The following CHID1 variants were observed in gnomAD, a reference collection of about 807,000 sequenced individuals.
The protein encoded by CHID1 is chitinase domain containing 1.
CHID1 carries 44 observed loss-of-function variants against 55.4 expected under a neutral mutation model. The observed-to-expected ratio is 0.79, with a 90% CI of 0.62 to 1.02. The LOEUF is 1.02. CHID1 is among the 50% of genes least tolerant of loss of function. CHID1 has a pLI of 0.00. For synonymous variants in CHID1, 216 were observed against 212.9 expected, an observed-to-expected ratio of 1.01 and a Z score of -0.13; for missense variants, 491 against 515.3, an observed-to-expected ratio of 0.95 and a Z score of 0.46.
chr11:896,911 C>G (rs1315281236), intron 7 of CHID1, among the ~76,000 whole-genome samples: 2 of 112,460 alleles, frequency 1.8e-5, no homozygotes, highest in African/African-American at 3.8e-5. Flanking sequence ...CCAGCCTCCA[C>G]CCCAGACACG....
chr11:890,594 C>T (rs1288473696), intron 8 of CHID1, among the ~76,000 whole-genome samples: 4 of 152,220 alleles, frequency 2.6e-5, no homozygotes, highest in Non-Finnish European at 5.9e-5. Context: ...GCTAACAATG[C>T]CCAGAAAACA....
intron 10 of CHID1, among the ~76,000 whole-genome samples, chr11:872,702 G>A (rs1447982457): frequency 1.3e-5 from 2 of 152,234 alleles, no homozygotes; most frequent in African/African-American, 4.8e-5. Context: ...CACCACTCAA[G>A]GTGTTGTTGG....
intron 10 of CHID1, among the ~76,000 whole-genome samples, chr11:877,882 G>A (rs1266947427): frequency 3.3e-5 from 5 of 150,254 alleles, no homozygotes; most frequent in Non-Finnish European, 5.9e-5. Flanking sequence ...GAAGGTGACT[G>A]GGTCATGAGG....
intron 8 of CHID1, among the ~76,000 whole-genome samples, chr11:892,317 G>C (rs1850902270): frequency 6.6e-6 from 1 of 152,222 alleles, no homozygotes; most frequent in South Asian, 2.1e-4. Context: ...ACATAAGGGA[G>C]AGGGAGGGGC....
At chr11:886,999 C>T (rs1423085474) in intron 8 of CHID1, among the ~76,000 whole-genome samples, 2 of 152,164 alleles carry the variant, frequency 1.3e-5, no homozygotes, top group African/African-American at 2.4e-5. Flanking sequence ...GTCTCCTGCC[C>T]GCTGTTCTCT....
At chr11:905,277 G>A (rs2134351604) in intron 1 of CHID1, among the ~76,000 whole-genome samples, 1 of 152,392 alleles carries the variant, frequency 6.6e-6, no homozygotes, top group East Asian at 1.9e-4. Flanking sequence ...GGCGGCTCAC[G>A]CCTGTAATCC....
rs951766624 is a variant in CHID1, at chr11:899,873, G to A, written c.546+131C>T. 9 of 647,912 alleles carry A rather than the reference G, an allele frequency of 1.4e-5. No homozygotes were observed. The African/African-American group carries it at 1.5e-4, about 10-fold the overall frequency. The allele number at this position is 647,912 out of a possible 1,614,324, so 40.1% of individuals were successfully genotyped here. A position where few individuals can be genotyped will look rare whatever the true frequency, so the allele number is the denominator to read the frequency against. ...TGATGCTGCCTTCCCTGGAAGATGG[G>A]GGCTGCACCAGAAGGTGCCCAGGGC... On this transcript the variant is annotated intron_variant, in intron 6 of 12. Coordinates refer to ENST00000323578, the MANE Select transcript of CHID1 (RefSeq NM_023947.4).
At chr11:881,122 A>C (rs894422356) in intron 10 of CHID1, among the ~76,000 whole-genome samples, 1 of 152,148 alleles carries the variant, frequency 6.6e-6, no homozygotes, top group African/African-American at 2.4e-5. Context: ...GAAGACGTAA[A>C]GGGGACCCCA....
chr11:911,268 C>T (rs1852671694), upstream of CHID1: 1 of 152,154 alleles, frequency 6.6e-6, no homozygotes, highest in Non-Finnish European at 1.5e-5. Flanking sequence ...TGGACCATCT[C>T]CATCCCCAGG....
intron 3 of CHID1, 38 bp downstream of exon 3, chr11:902,924 T>A: frequency 6.3e-7 from 1 of 1,595,812 alleles, no homozygotes; most frequent in Non-Finnish European, 8.6e-7. Flanking sequence ...CACCTGAGCC[T>A]CAGGACCTCC....
intron 8 of CHID1, among the ~76,000 whole-genome samples, chr11:886,068 G>A (rs187425474): frequency 3.3e-5 from 5 of 150,452 alleles, no homozygotes; most frequent in African/African-American, 9.8e-5. Context: ...AGAATGGCGT[G>A]TGAAACCGGG....
Position 903,076 on chromosome 11 carries a change from A to C in CHID1, c.147T>G (p.Gly49=). Residue 49 remains glycine (G), a synonymous_variant, in exon 3 of 13, where the codon GGT becomes GGG. Coordinates refer to ENST00000323578, the MANE Select transcript of CHID1 (RefSeq NM_023947.4). ...CAGCTTTGAGGTCCGTCACCACCAA[A>C]CCCCGGTCTTGCACCGGCTTATCTG... The part of the protein sequence containing the change: ...QFSDKPVQDR[G]LVVTDLKAES... The C allele has an allele frequency of 6.2e-7, 1 of 1,612,836 alleles. No individual in the cohort carries two copies. Among genetic ancestry groups the C allele is most frequent in the Non-Finnish European group, 8.5e-7 (1 of 1,179,936 alleles).
intron 8 of CHID1, among the ~76,000 whole-genome samples, chr11:888,199 C>T (rs947392652): frequency 2.6e-5 from 4 of 152,240 alleles, no homozygotes; most frequent in African/African-American, 7.2e-5. Flanking sequence ...ACGGTCCTCA[C>T]GCTTTCAAGG....
intron 8 of CHID1, among the ~76,000 whole-genome samples, chr11:886,567 G>A (rs1850412159): frequency 6.6e-6 from 1 of 152,242 alleles, no homozygotes; most frequent in South Asian, 2.1e-4. Flanking sequence ...GAGGTGATTA[G>A]AGCTAGACGA....
At chr11:904,953 G>A in intron 1 of CHID1, 94 bp from the exon 2 acceptor site, 2 of 1,374,864 alleles carry the variant, frequency 1.5e-6, no homozygotes, top group African/African-American at 1.4e-5. Flanking sequence ...TCCTAATAGG[G>A]CCTGGGTCCT....
At chr11:901,003 T>C (rs1851769205) in intron 4 of CHID1, 23 bp from the exon 5 acceptor site, 2 of 1,591,210 alleles carry the variant, frequency 1.3e-6, no homozygotes, top group Admixed American at 1.8e-5. Flanking sequence ...GAGGGGACAG[T>C]CAACACAGGC....
At chr11:879,863 A>G (rs1849776611) in intron 10 of CHID1, among the ~76,000 whole-genome samples, 1 of 152,214 alleles carries the variant, frequency 6.6e-6, no homozygotes, top group Non-Finnish European at 1.5e-5. Context: ...CAAGCTCTGT[A>G]CATGGCTCCA....
At chr11:870,818 G>A (rs931799915) in intron 10 of CHID1, 48 of 301,886 alleles carry the variant, frequency 1.6e-4, no homozygotes, top group Non-Finnish European at 2.6e-4. Flanking sequence ...GCCGCGCAGC[G>A]GCTGCTGGAC....
intron 7 of CHID1, among the ~76,000 whole-genome samples, chr11:894,819 C>A (rs1244081146): frequency 6.6e-6 from 1 of 152,212 alleles, no homozygotes; most frequent in South Asian, 2.1e-4. Flanking sequence ...AGGACCAGGG[C>A]CTGGCATGTG....
Sources: allele counts gnomAD v4.1 joint callset (sites outside exome capture counted in the v4.1 genomes callset), GRCh38; gene constraint gnomAD v4.1.1; transcripts MANE v1.5; gene names NCBI Gene and HGNC (gene_info 2026-07-23, HGNC 2026-07-21).